Variants in PTPRD observed in about 807,000 individuals in gnomAD.
The protein encoded by PTPRD is protein tyrosine phosphatase receptor type D.
Under a neutral mutation model 214.5 loss-of-function variants are expected in PTPRD, and 34 were observed. The ratio of observed to expected loss-of-function variants is 0.16; its 90% CI spans 0.12 to 0.21. PTPRD has a LOEUF of 0.21. PTPRD is among the 10% of genes least tolerant of loss of function. PTPRD has a pLI of 1.00. For missense variants in PTPRD, 2,545 were observed against 2,398.7 expected, an observed-to-expected ratio of 1.06 and a Z score of -1.27; for synonymous variants, 1,128 against 845.7, an observed-to-expected ratio of 1.33 and a Z score of -5.79.
chr9:8,342,118 T>C, intron 39 of PTPRD, 140 bp from the exon 40 acceptor site: 1 of 856,130 alleles, frequency 1.2e-6, no homozygotes, highest in African/African-American at 1.7e-5. Flanking sequence ...GACTTTGTAA[T>C]ACTCTAAAGT....
chr9:8,818,247 C>T (rs1271039475), intron 11 of PTPRD, among the ~76,000 whole-genome samples: 1 of 152,148 alleles, frequency 6.6e-6, no homozygotes, highest in Non-Finnish European at 1.5e-5. Flanking sequence ...TAAATGATAG[C>T]ATTTTACATT....
At chr9:10,557,810 G>C (rs1039065148) in intron 2 of PTPRD, among the ~76,000 whole-genome samples, 26 of 152,140 alleles carry the variant, frequency 1.7e-4, no homozygotes, top group African/African-American at 6.0e-4. Flanking sequence ...TGCAGAAGAA[G>C]TGTTTCAGAC....
Position 8,469,309 on chromosome 9 carries a change from C to T in PTPRD, c.3504+1686G>A, listed in dbSNP as rs142255458. On this transcript the variant is annotated intron_variant, in intron 31 of 45. Coordinates refer to ENST00000381196, the MANE Select transcript of PTPRD (RefSeq NM_002839.4). Reference sequence around the variant, plus strand: ...TCACTTTCTATTACTTACTACCAAACGGCTTTACTTCTAAGGAAAGCTTAT... The same window carrying T: ...TCACTTTCTATTACTTACTACCAAATGGCTTTACTTCTAAGGAAAGCTTAT... Among the ~76,000 whole-genome samples the T allele has an allele frequency of 5.3e-5, 8 of 152,154 alleles. No homozygotes were observed. The East Asian group carries it at 5.8e-4, about 11-fold the overall frequency.
chr9:8,324,083 G>T (rs1009904696), intron 44 of PTPRD, among the ~76,000 whole-genome samples: 1 of 151,290 alleles, frequency 6.6e-6, no homozygotes, highest in Non-Finnish European at 1.5e-5. Flanking sequence ...CTTACCGGAG[G>T]CTCAGATGAT....
intron 8 of PTPRD, among the ~76,000 whole-genome samples, chr9:9,533,547 A>G (rs1486469484): frequency 6.6e-6 from 1 of 151,996 alleles, no homozygotes; most frequent in Non-Finnish European, 1.5e-5. Flanking sequence ...TATTTTTCAA[A>G]TGCATTATTC....
intron 7 of PTPRD, among the ~76,000 whole-genome samples, chr9:9,640,151 G>T (rs2095890639): frequency 6.6e-6 from 1 of 152,178 alleles, no homozygotes; most frequent in South Asian, 2.1e-4. Flanking sequence ...CAGATATGTG[G>T]TGTTGGGCAA....
At chr9:9,731,624 A>G (rs941242929) in intron 7 of PTPRD, among the ~76,000 whole-genome samples, 1 of 152,166 alleles carries the variant, frequency 6.6e-6, no homozygotes. Flanking sequence ...TACACCCCAC[A>G]ATGCAGCCAT....
intron 9 of PTPRD, among the ~76,000 whole-genome samples, chr9:9,206,546 A>G (rs1184344231): frequency 6.6e-6 from 1 of 152,098 alleles, no homozygotes; most frequent in African/African-American, 2.4e-5. Context: ...GAGTCAGTGG[A>G]CTAGGAGAGG....
intron 2 of PTPRD, among the ~76,000 whole-genome samples, chr9:10,418,495 ACACT>A (rs2098515620): frequency 7.3e-6 from 1 of 137,730 alleles, no homozygotes; most frequent in African/African-American, 2.8e-5. Flanking sequence ...ACACACACAC[ACACT>A]TCATATCCTT....
At chr9:9,364,438 G>C (rs1469009309) in intron 9 of PTPRD, among the ~76,000 whole-genome samples, 3 of 151,448 alleles carry the variant, frequency 2.0e-5, no homozygotes, top group African/African-American at 7.3e-5. Context: ...GACATGGACA[G>C]TTGCAATTTT....
At chr9:9,055,776 T>C (rs1024490075) in intron 10 of PTPRD, among the ~76,000 whole-genome samples, 2 of 149,992 alleles carry the variant, frequency 1.3e-5, no homozygotes, top group African/African-American at 4.9e-5. Flanking sequence ...AAATGCAACA[T>C]ACTATCTATT....
intron 36 of PTPRD, among the ~76,000 whole-genome samples, chr9:8,394,273 G>A (rs534246605): frequency 6.6e-6 from 1 of 151,994 alleles, no homozygotes; most frequent in African/African-American, 2.4e-5. Context: ...CTTGTTGAAG[G>A]GGTGTTTACA....
intron 2 of PTPRD, among the ~76,000 whole-genome samples, chr9:10,550,330 G>A (rs1223944596): frequency 6.6e-6 from 1 of 152,150 alleles, no homozygotes; most frequent in African/African-American, 2.4e-5. Flanking sequence ...TGCTACATGG[G>A]TATTTTGCGT....
At position 10,012,090 on chromosome 9, in the gene PTPRD, A is replaced by G. The variant is rs376566552; in HGVS notation, c.-472+21628T>C. On this transcript the variant is annotated intron_variant, in intron 4 of 45. Transcript: ENST00000381196. ...TTTGTGAAAAGTACTAACATATGTA[A>G]GAATTCCCTTCATCAAATGATTTTT... Among the ~76,000 whole-genome samples, 18 of 152,118 alleles carry G rather than the reference A, an allele frequency of 1.2e-4. 1 individual carries two copies. The South Asian group carries it at 3.7e-3, about 31-fold the overall frequency.
chr9:8,462,708 T>C (rs1357523256), intron 32 of PTPRD, among the ~76,000 whole-genome samples: 1 of 151,904 alleles, frequency 6.6e-6, no homozygotes, highest in African/African-American at 2.4e-5. Flanking sequence ...ACCACCTCTT[T>C]TTAATTGACT....
intron 10 of PTPRD, among the ~76,000 whole-genome samples, chr9:9,047,488 T>C (rs1118100): frequency 0.32 from 48,671 of 151,974 alleles, 9,095 homozygotes; most frequent in South Asian, 0.42. Flanking sequence ...AATCATATTA[T>C]CTGATTTCAG....
intron 3 of PTPRD, among the ~76,000 whole-genome samples, chr9:10,243,213 G>A (rs2091453482): frequency 6.6e-6 from 1 of 151,934 alleles, no homozygotes; most frequent in South Asian, 2.1e-4. Flanking sequence ...TTGCTGCTTT[G>A]AGACTAAATT....
intron 6 of PTPRD, among the ~76,000 whole-genome samples, chr9:9,734,907 ATAAT>A (rs1200681682): frequency 1.3e-5 from 2 of 152,116 alleles, no homozygotes; most frequent in Non-Finnish European, 2.9e-5. Context: ...AAATTCTCTA[ATAAT>A]TAGTACATAA....
intron 9 of PTPRD, among the ~76,000 whole-genome samples, chr9:9,363,412 CA>C (rs2056891268): frequency 6.6e-6 from 1 of 151,262 alleles, no homozygotes; most frequent in Non-Finnish European, 1.5e-5. Context: ...AATGGATTCT[CA>C]AACATTTCTA....
Sources: allele counts gnomAD v4.1 joint callset (sites outside exome capture counted in the v4.1 genomes callset), GRCh38; gene constraint gnomAD v4.1.1; transcripts MANE v1.5; gene names NCBI Gene and HGNC (gene_info 2026-07-23, HGNC 2026-07-21).